The following GRIK3 variants were observed in gnomAD, a reference collection of about 807,000 sequenced individuals.
GRIK3 encodes the protein glutamate ionotropic receptor kainate type subunit 3, also known as glutamate receptor ionotropic, kainate 3.
Under a neutral mutation model 102.5 loss-of-function variants are expected in GRIK3, and 29 were observed. The ratio of observed to expected loss-of-function variants is 0.28; its 90% CI spans 0.21 to 0.39. GRIK3 has a LOEUF of 0.39. Ranked by LOEUF, GRIK3 falls within the 10% of genes least tolerant of loss-of-function variation. GRIK3 has a pLI of 1.00. For synonymous variants in GRIK3, 511 were observed against 504.9 expected, an observed-to-expected ratio of 1.01 and a Z score of -0.16; for missense variants, 908 against 1,252.4, an observed-to-expected ratio of 0.73 and a Z score of 4.15.
intron 1 of GRIK3, among the ~76,000 whole-genome samples, chr1:36,954,115 C>A (rs1488589855): frequency 6.6e-6 from 1 of 152,302 alleles, no homozygotes; most frequent in Non-Finnish European, 1.5e-5. Context: ...GCTGGGGAAC[C>A]AGATGAGGGG....
At chr1:36,833,744 G>A (rs1640339618) in intron 10 of GRIK3, among the ~76,000 whole-genome samples, 1 of 152,230 alleles carries the variant, frequency 6.6e-6, no homozygotes, top group African/African-American at 2.4e-5. Context: ...CCCACCTGGA[G>A]GCTGGGAAAC....
chr1:36,876,856 C>T (rs1046640033), intron 3 of GRIK3, among the ~76,000 whole-genome samples: 2 of 152,082 alleles, frequency 1.3e-5, no homozygotes, highest in Non-Finnish European at 2.9e-5. Context: ...CCATTGACTC[C>T]CCTATGTTTT....
In GRIK3 at chr1:36,854,390, C is replaced by T. The variant is rs139187789; in HGVS notation, c.1105-668G>A. 2.1e-3 allele frequency among the ~76,000 whole-genome samples: 314 copies of T among 152,248 alleles called. 5 individuals carry two copies. The highest frequency in any genetic ancestry group is 6.4e-3 in the African/African-American group (264 of 41,544). ...TCATATAAAATACTGAGAACGGTCC[C>T]GGCACAAGATGAACACTGGATAAAT... On this transcript the variant is annotated intron_variant, in intron 7 of 15. Transcript: ENST00000373091.
chr1:36,895,798 T>C (rs1307892026), intron 1 of GRIK3, among the ~76,000 whole-genome samples: 3 of 151,752 alleles, frequency 2.0e-5, no homozygotes, highest in African/African-American at 7.3e-5. Flanking sequence ...AAGCAGGAAA[T>C]ATGTCCCCAA....
At chr1:36,869,690 G>A in intron 5 of GRIK3, 58 bp downstream of exon 5, 9 of 1,295,264 alleles carry the variant, frequency 6.9e-6, no homozygotes, top group Non-Finnish European at 1.0e-5. Flanking sequence ...AAGCCACAAT[G>A]AACTTGATCC....
intron 1 of GRIK3, among the ~76,000 whole-genome samples, chr1:36,910,070 T>C (rs1204183676): frequency 6.6e-6 from 1 of 152,180 alleles, no homozygotes; most frequent in Non-Finnish European, 1.5e-5. Context: ...TGGAACCCGT[T>C]GAGGTTTTTT....
chr1:36,862,467 C>T (rs1414963705), intron 5 of GRIK3, among the ~76,000 whole-genome samples: 1 of 152,128 alleles, frequency 6.6e-6, no homozygotes, highest in Non-Finnish European at 1.5e-5. Context: ...TGAACCACAC[C>T]TAGATAACGC....
chr1:37,004,471 G>C (rs1642510994), intron 1 of GRIK3, among the ~76,000 whole-genome samples: 1 of 152,150 alleles, frequency 6.6e-6, no homozygotes, highest in South Asian at 2.1e-4. Context: ...TGGGGGTCTG[G>C]GGTCTGATCA....
chr1:36,865,599 C>T (rs1640774643), intron 5 of GRIK3, among the ~76,000 whole-genome samples: 1 of 152,182 alleles, frequency 6.6e-6, no homozygotes, highest in Admixed American at 6.5e-5. Context: ...TCTGGGAGAC[C>T]CCGCCCCATA....
intron 3 of GRIK3, among the ~76,000 whole-genome samples, chr1:36,874,560 A>C (rs76731543): frequency 0.011 from 1,674 of 152,310 alleles, 24 homozygotes; most frequent in African/African-American, 0.036. Context: ...ACAAGCTATC[A>C]CAAGACACAC....
At chr1:36,826,046 A>G (rs1642751945) in intron 10 of GRIK3, among the ~76,000 whole-genome samples, 1 of 152,176 alleles carries the variant, frequency 6.6e-6, no homozygotes, top group Non-Finnish European at 1.5e-5. Context: ...GCTCTCTAAG[A>G]GCTCATGGTC....
At chr1:36,926,326 G>C (rs1641526803) in intron 1 of GRIK3, among the ~76,000 whole-genome samples, 1 of 152,114 alleles carries the variant, frequency 6.6e-6, no homozygotes. Context: ...GAGCTTCACA[G>C]TTCATGAACA....
rs551402942 is a variant in GRIK3, at chr1:36,886,507, G to T, written c.292+4413C>A. 1.1e-4 allele frequency among the ~76,000 whole-genome samples: 16 copies of T among 152,290 alleles called. No individual in the cohort carries two copies. The South Asian group carries it at 2.9e-3, about 28-fold the overall frequency. On this transcript the variant is annotated intron_variant, in intron 2 of 15. Coordinates refer to ENST00000373091, the MANE Select transcript of GRIK3 (RefSeq NM_000831.4). ...TGGGGCTCTCCCTGAGGGATAGAGG[G>T]TACCCAAAGGGGAGTGTGATCCAAC... is the stretch of plus-strand genomic sequence containing the variant.
Position 36,872,141 on chromosome 1 carries a change from G to A in GRIK3, c.732+47C>T, listed in dbSNP as rs1237377399. ...TTTGGGAAGGGGACGTGGGAGAAGT[G>A]GCCAGCAGACCCCAGTCATCTGTCC... is the stretch of plus-strand genomic sequence containing the variant. On this transcript the variant is annotated intron_variant, in intron 4 of 15. Transcript: ENST00000373091. The surrounding 1 kb of genome is among the most constrained non-coding windows in gnomAD (Gnocchi z 5.9). The A allele has an allele frequency of 1.3e-6, 2 of 1,494,362 alleles. No homozygotes were observed. Among genetic ancestry groups the A allele is most frequent in the Non-Finnish European group, 1.8e-6 (2 of 1,109,836 alleles). The allele number at this position is 1,494,362 out of a possible 1,614,324, so 92.6% of individuals were successfully genotyped here. A position where few individuals can be genotyped will look rare whatever the true frequency, so the allele number is the denominator to read the frequency against.
chr1:37,032,692 G>C (rs1463914509), intron 1 of GRIK3, among the ~76,000 whole-genome samples: 1 of 152,188 alleles, frequency 6.6e-6, no homozygotes, highest in Non-Finnish European at 1.5e-5. Flanking sequence ...TGCCTGCCAG[G>C]GTCCTGGGCA....
chr1:37,000,989 G>C (rs923472188), intron 1 of GRIK3, among the ~76,000 whole-genome samples: 38 of 152,342 alleles, frequency 2.5e-4, no homozygotes, highest in African/African-American at 8.9e-4. Context: ...GGTGGTCAGT[G>C]GTACCTGGCT....
At chr1:37,023,035 A>C (rs989694542) in intron 1 of GRIK3, among the ~76,000 whole-genome samples, 16 of 152,222 alleles carry the variant, frequency 1.1e-4, no homozygotes, top group Non-Finnish European at 1.9e-4. Context: ...GGCCAGAAAG[A>C]AATAGAGTGC....
intron 1 of GRIK3, among the ~76,000 whole-genome samples, chr1:37,002,602 T>A (rs948448829): frequency 6.6e-6 from 1 of 152,112 alleles, no homozygotes; most frequent in Admixed American, 6.5e-5. Flanking sequence ...AAACAGACAG[T>A]ACCAGACATG....
intron 7 of GRIK3, among the ~76,000 whole-genome samples, chr1:36,854,030 G>T (rs1052160144): frequency 1.3e-5 from 2 of 152,224 alleles, no homozygotes; most frequent in Admixed American, 1.3e-4. Context: ...GATCCTGGGA[G>T]ATGGGTAGGG....
Sources: allele counts gnomAD v4.1 joint callset (sites outside exome capture counted in the v4.1 genomes callset), GRCh38; gene constraint gnomAD v4.1.1; non-coding constraint Gnocchi (gnomAD v3.1); transcripts MANE v1.5; gene names NCBI Gene and HGNC (gene_info 2026-07-23, HGNC 2026-07-21).